Variants in WDR44 observed in about 807,000 individuals in gnomAD.
WDR44 encodes WD repeat domain 44, also known as WD repeat-containing protein 44.
In WDR44, 9 loss-of-function variants were observed where a neutral mutation model predicts 65.7. The observed-to-expected ratio is 0.14, with a 90% CI of 0.08 to 0.24. The LOEUF (loss-of-function observed/expected upper bound fraction) is 0.24. Among genes scored for constraint, WDR44 ranks in the 10% least tolerant of loss-of-function variants. The pLI is 1.00. For missense variants in WDR44, 425 were observed against 670.9 expected (o/e 0.63, Z 4.05); for synonymous variants, 220 against 235.2 (o/e 0.94, Z 0.59).
intron 1 of WDR44, among the ~76,000 whole-genome samples, chrX:118,350,186 T>C (rs1285184957): frequency 3.6e-5 from 4 of 112,231 alleles, no homozygotes; most frequent in Admixed American, 9.5e-5. Context: ...TGCAAGATCA[T>C]AGCCTGTTGC....
At chrX:118,383,650 C>A (rs1186387555) in intron 2 of WDR44, among the ~76,000 whole-genome samples, 1 of 106,323 alleles carries the variant, frequency 9.4e-6, no homozygotes, top group East Asian at 2.9e-4. Flanking sequence ...TTATTTTTTT[C>A]TTTTTTCCTG....
Position 118,444,370 on chromosome X carries a change from A to G in WDR44, c.2523A>G (p.Ala841=). ...AAATTTTTTCCACAGCCCACAATGC[A>G]GTTGTTACATCAGCCATCTTTGCAC... ...DFWEGIKAHN[A]VVTSAIFAPN... Residue 841 remains alanine (A), a synonymous_variant, in exon 19 of 20, where the codon GCA becomes GCG. Coordinates refer to ENST00000254029, the MANE Select transcript of WDR44 (RefSeq NM_019045.5). 1 of 1,209,539 alleles carries G rather than the reference A, an allele frequency of 8.3e-7. No individual in the cohort carries two copies. The highest frequency in any genetic ancestry group is 1.1e-6 in the Non-Finnish European group (1 of 894,367).
At chrX:118,352,352 A>ATTTTTTTTTTTTTT (rs556374639) in intron 1 of WDR44, among the ~76,000 whole-genome samples, 7 of 14,224 alleles carry the variant, frequency 4.9e-4, no homozygotes, top group African/African-American at 1.1e-3. Context: ...ATATATATAT[A>ATTTTTTTTTTTTTT]TTTTTTTTTT....
chrX:118,442,692 A>G lies in WDR44; in HGVS notation c.2384+12A>G, dbSNP rs373249966. Reference sequence around the variant, plus strand: ...AAAGCAAGTTTCAGGTAAATTGGCAATGAGATGTTCCCAAAAGAGATCAGG... The same window carrying G: ...AAAGCAAGTTTCAGGTAAATTGGCAGTGAGATGTTCCCAAAAGAGATCAGG... On this transcript the variant is annotated intron_variant, in intron 17 of 19. Transcript: ENST00000254029. The G allele has an allele frequency of 1.0e-5, 12 of 1,167,187 alleles. No individual in the cohort carries two copies. Among genetic ancestry groups the G allele is most frequent in the Non-Finnish European group, 1.3e-5 (11 of 855,196 alleles).
Position 118,443,629 on chromosome X carries a change from C to T in WDR44, c.2454C>T (p.Asp818=), listed in dbSNP as rs1189568823. The change falls in exon 18 of 20, where the codon GAC becomes GAT. Residue 818 remains aspartate (D), a synonymous_variant. Coordinates refer to ENST00000254029, the MANE Select transcript of WDR44 (RefSeq NM_019045.5). ...TTTATATCTGGAGTACCTACCATGACCTAAGCAAGTTTACTTCAGTCAGGA... is the reference window on the plus strand; with the variant it reads ...TTTATATCTGGAGTACCTACCATGATCTAAGCAAGTTTACTTCAGTCAGGA... ...KYVYIWSTYH[D]LSKFTSVRRD... The T allele has an allele frequency of 8.3e-7, 1 of 1,208,856 alleles. No homozygotes were observed. Among genetic ancestry groups the T allele is most frequent in the South Asian group, 1.8e-5 (1 of 56,720 alleles).
chrX:118,379,978 A>G (rs1364385096), intron 2 of WDR44, among the ~76,000 whole-genome samples: 1 of 111,610 alleles, frequency 9.0e-6, no homozygotes, highest in Non-Finnish European at 1.9e-5. Context: ...ATTTAGCGCT[A>G]AGATATTTTT....
intron 1 of WDR44, among the ~76,000 whole-genome samples, chrX:118,354,620 T>C (rs2056443321): frequency 9.1e-6 from 1 of 109,796 alleles, no homozygotes; most frequent in Admixed American, 9.8e-5. Flanking sequence ...TTGAATGGTA[T>C]TTTTTTTTAT....
At position 118,373,919 on chromosome X, in the gene WDR44, G is replaced by GTTTTA. The variant is rs760319937; in HGVS notation, c.78-4475_78-4471dup. ...AAATGCTTAATAAATGATGGCCATT[G>GTTTTA]TTTTATTTTATTTTATTTTATTTTA... On this transcript the variant is annotated intron_variant, in intron 1 of 19. Coordinates refer to ENST00000254029, the MANE Select transcript of WDR44 (RefSeq NM_019045.5). Among the ~76,000 whole-genome samples, 211 of 111,745 alleles carry GTTTTA rather than the reference G, an allele frequency of 1.9e-3. 1 individual carries two copies. Among genetic ancestry groups the GTTTTA allele is most frequent in the African/African-American group, 4.4e-3 (136 of 30,811 alleles).
rs765277341 is a variant in WDR44 at position 118,442,628 on chromosome X, A to G, written c.2332A>G (p.Met778Val). 2.1e-5 allele frequency: 26 copies of G among 1,209,880 alleles called. No homozygotes were observed. The highest frequency in any genetic ancestry group is 3.0e-5 in the East Asian group (1 of 33,777). The change falls in exon 17 of 20, where the codon ATG becomes GTG. Residue 778 changes from methionine to valine, a missense_variant. By Grantham distance (21) the Met-to-Val change is conservative. Around this residue, in one of 5 missense-constraint regions of WDR44, gnomAD observed 73 missense variants for 187.4 expected, o/e 0.39. Transcript: ENST00000254029. The part of the protein sequence containing the change: ...LYDLRDLSLS[M>V]KYKGYVNSSS... ...TGATTTGAGAGATTTGTCACTATCC[A>G]TGAAGTATAAGGGTTACGTCAATAG... is the stretch of plus-strand genomic sequence containing the variant.
intron 1 of WDR44, among the ~76,000 whole-genome samples, chrX:118,374,236 TACTA>T (rs1489484311): frequency 1.8e-5 from 2 of 111,712 alleles, no homozygotes; most frequent in Non-Finnish European, 1.9e-5. Flanking sequence ...TGTGTGATAA[TACTA>T]AATAATGTTT....
chrX:118,423,144 A>G (rs1365432128), intron 12 of WDR44, among the ~76,000 whole-genome samples: 1 of 111,913 alleles, frequency 8.9e-6, no homozygotes, highest in African/African-American at 3.2e-5. Flanking sequence ...GGAAGAAGAC[A>G]GAAAATAAGT....
chrX:118,402,301 G>C (rs6646194), intron 8 of WDR44, among the ~76,000 whole-genome samples: 7,277 of 107,214 alleles, frequency 0.068, 444 homozygotes, highest in East Asian at 0.24. Context: ...TGGGCATGGT[G>C]GTGGGCGCCT....
intron 14 of WDR44, among the ~76,000 whole-genome samples, chrX:118,439,347 G>A (rs1225822912): frequency 7.4e-5 from 8 of 107,535 alleles, no homozygotes; most frequent in East Asian, 6.1e-4. Context: ...AGGCCGAGGC[G>A]GGTGGATCAC....
chrX:118,426,638 G>A (rs1376043419), intron 12 of WDR44, among the ~76,000 whole-genome samples: 2 of 109,795 alleles, frequency 1.8e-5, no homozygotes, highest in Non-Finnish European at 3.8e-5. Context: ...CCCAGGAGGC[G>A]GAGGTTACAG....
chrX:118,355,172 G>A (rs1467215700), intron 1 of WDR44, among the ~76,000 whole-genome samples: 1 of 111,567 alleles, frequency 9.0e-6, no homozygotes, highest in African/African-American at 3.3e-5. Flanking sequence ...AAAATGGCAG[G>A]TGGATTGAAC....
At chrX:118,364,229 A>G (rs2056535197) in intron 1 of WDR44, among the ~76,000 whole-genome samples, 1 of 112,549 alleles carries the variant, frequency 8.9e-6, no homozygotes, top group Admixed American at 9.4e-5. Flanking sequence ...ATTCATCTTT[A>G]GCAAGTGCCA....
intron 13 of WDR44, among the ~76,000 whole-genome samples, chrX:118,434,881 A>G (rs751809198): frequency 1.8e-5 from 2 of 112,073 alleles, no homozygotes; most frequent in African/African-American, 3.2e-5. Context: ...TTTTGTGCCA[A>G]TAACAAGAAT....
intron 2 of WDR44, among the ~76,000 whole-genome samples, chrX:118,385,928 TAA>T (rs939339501): frequency 1.6e-4 from 18 of 111,068 alleles, no homozygotes; most frequent in African/African-American, 4.3e-4. Context: ...ATCTAATACT[TAA>T]GAGTCCATGA....
At chrX:118,349,560 A>G (rs939071577) in intron 1 of WDR44, among the ~76,000 whole-genome samples, 2 of 93,273 alleles carry the variant, frequency 2.1e-5, no homozygotes, top group African/African-American at 7.9e-5. Context: ...TATGAGGAAC[A>G]TTTTTTTTTT....
Sources: gnomAD v4.1 joint callset for allele counts (sites outside exome capture counted in the v4.1 genomes callset) on GRCh38, gnomAD v4.1.1 for gene constraint, gnomAD v4.1.1 regional missense constraint, MANE v1.5 for transcripts, NCBI Gene and HGNC (gene_info 2026-07-23, HGNC 2026-07-21) for gene names.